CSF2RB: variants seen among roughly 807,000 people sequenced by gnomAD.
CSF2RB encodes the protein cytokine receptor common subunit beta.
A neutral mutation model predicts 67.2 loss-of-function variants in CSF2RB; 22 were observed. The observed-to-expected ratio is 0.33, with a 90% CI of 0.23 to 0.47. The LOEUF is 0.47. Among genes scored for constraint, CSF2RB ranks in the 20% least tolerant of loss-of-function variants. The pLI, the probability that CSF2RB is intolerant of heterozygous loss-of-function variation, is 1.00. For missense variants in CSF2RB, 1,113 were observed against 1,174.5 expected (o/e 0.95, Z 0.76); for synonymous variants, 507 against 482.9 (o/e 1.05, Z -0.65).
chr22:36,923,719 C>T (rs758339043), intron 3 of CSF2RB: 8 of 1,312,662 alleles, frequency 6.1e-6, no homozygotes, highest in Non-Finnish European at 6.0e-6. Flanking sequence ...GGCCAGGCCA[C>T]GAAGCCCCAG....
At chr22:36,927,895 C>T (rs1398885648) in intron 4 of CSF2RB, among the ~76,000 whole-genome samples, 1 of 152,192 alleles carries the variant, frequency 6.6e-6, no homozygotes. Flanking sequence ...TTCAGATATA[C>T]ACACAATTCA....
In CSF2RB at chr22:36,939,126, G is replaced by C; in HGVS notation, c.*624G>C. ...CACTCCGAGAAATGGGCATGGTATT[G>C]GGGGTCGGGGGGGCGGTGCAAGGGA... On this transcript the variant is annotated 3_prime_UTR_variant, in exon 14 of 14. Coordinates refer to ENST00000403662, the MANE Select transcript of CSF2RB (RefSeq NM_000395.3). 2.8e-6 allele frequency: 2 copies of C among 702,270 alleles called. No individual in the cohort carries two copies. The highest frequency in any genetic ancestry group is 5.2e-6 in the Non-Finnish European group (2 of 384,806). The allele number at this position is 702,270 out of a possible 1,614,324, so 43.5% of individuals were successfully genotyped here. A position where few individuals can be genotyped will look rare whatever the true frequency, so the allele number is the denominator to read the frequency against.
Position 36,923,257 on chromosome 22 carries a change from G to A in CSF2RB, c.90G>A (p.Leu30=). The A allele has an allele frequency of 1.9e-6, 3 of 1,614,188 alleles. No individual in the cohort carries two copies. The highest frequency in any genetic ancestry group is 2.5e-6 in the Non-Finnish European group (3 of 1,180,028). The stretch of plus-strand genomic sequence containing the variant: ...CCCTCTTGTCAGAAACCATCCCGCT[G>A]CAGACCCTGCGCTGCTACAACGACT... ...SLAGAEETIP[L]QTLRCYNDYT... Residue 30 remains leucine (L), a synonymous_variant, in exon 3 of 14, where the codon CTG becomes CTA. Transcript: ENST00000403662.
chr22:36,922,690 T>C, intron 2 of CSF2RB: 1 of 338,130 alleles, frequency 3.0e-6, no homozygotes, highest in Non-Finnish European at 5.7e-6. Context: ...GCACCCTCCT[T>C]GTGCCTGAAG....
intron 4 of CSF2RB, among the ~76,000 whole-genome samples, chr22:36,928,422 G>A (rs1407530727): frequency 3.3e-5 from 5 of 152,184 alleles, no homozygotes; most frequent in Non-Finnish European, 5.9e-5. Flanking sequence ...CTGGCTGTGG[G>A]TGAGGAGGGG....
Position 36,938,136 on chromosome 22 carries a change from C to G in CSF2RB, c.2328C>G (p.Ser776=). 1.2e-6 allele frequency: 2 copies of G among 1,614,092 alleles called. No individual in the cohort carries two copies. Among genetic ancestry groups the G allele is most frequent in the Non-Finnish European group, 1.7e-6 (2 of 1,179,984 alleles). ...AGCTCCCTCCAATTGAGGGCCGGTC[C>G]CCCAGGTCACCAAGGAACAATCCTG... ...YVELPPIEGR[S]PRSPRNNPVP... Residue 776 remains serine (S), a synonymous_variant, in exon 14 of 14, where the codon TCC becomes TCG. Coordinates refer to ENST00000403662, the MANE Select transcript of CSF2RB (RefSeq NM_000395.3).
rs16845 is a variant in CSF2RB at position 36,930,401 on chromosome 22, G to C, written c.745G>C (p.Glu249Gln). Reference protein sequence around the residue: ...PGDEAQPQNLECFFDGAAVLS... With the variant: ...PGDEAQPQNLQCFFDGAAVLS... ...GGATGAGGCCCAGCCCCAGAACCTGGAGTGCTTCTTTGACGGGGCCGCCGT... is the reference window on the plus strand; with the variant it reads ...GGATGAGGCCCAGCCCCAGAACCTGCAGTGCTTCTTTGACGGGGCCGCCGT... The change falls in exon 7 of 14, where the codon GAG becomes CAG. Residue 249 changes from glutamate (E) to glutamine (Q), a missense_variant. Glu to Gln is a conservative substitution (Grantham distance 29). This residue lies in a region of CSF2RB where 559 missense variants were observed against 656.5 expected (regional missense o/e 0.85). Transcript: ENST00000403662. 107,425 of 1,613,500 alleles carry C rather than the reference G, an allele frequency of 0.067. 5,117 individuals carry two copies. Among genetic ancestry groups the C allele is most frequent in the African/African-American group, 0.22 (16,502 of 74,956 alleles).
At chr22:36,917,063 C>A (rs1940736029) in intron 1 of CSF2RB, among the ~76,000 whole-genome samples, 1 of 152,180 alleles carries the variant, frequency 6.6e-6, no homozygotes, top group Non-Finnish European at 1.5e-5. Flanking sequence ...TTCTGGCAGA[C>A]TTTCAGTGAT....
At position 36,938,380 on chromosome 22, in the gene CSF2RB, AAG is replaced by A. The variant is rs1391457263; in HGVS notation, c.2574_2575del (p.Lys859AlafsTer77). 6.2e-7 allele frequency: 1 copy of A among 1,614,108 alleles called. No individual in the cohort carries two copies. Reference sequence around the variant, plus strand: ...GAACCTAGACCAGGCTTTTCAAGTCAAGAAGCCCCCAGGCCAGGCTGTGCCCC... The same window carrying A: ...GAACCTAGACCAGGCTTTTCAAGTCAAAGCCCCCAGGCCAGGCTGTGCCCC... ...IKNLDQAFQV[K>X]KPPGQAVPQV... On this transcript the variant is annotated frameshift_variant, in exon 14 of 14. Transcript: ENST00000403662. LOFTEE classifies it low-confidence loss of function (END_TRUNC).
intron 1 of CSF2RB, among the ~76,000 whole-genome samples, chr22:36,914,764 A>G (rs991606079): frequency 6.6e-6 from 1 of 152,128 alleles, no homozygotes; most frequent in African/African-American, 2.4e-5. Context: ...ATGAGTAAAC[A>G]TTTCCTATTA....
Position 36,934,036 on chromosome 22 carries a change from C to T in CSF2RB, c.1315+42C>T, listed in dbSNP as rs369566947. 36 of 1,606,694 alleles carry T rather than the reference C, an allele frequency of 2.2e-5. No homozygotes were observed. The African/African-American group carries it at 3.6e-4, about 16-fold the overall frequency. ...GTCCAGAGCTTCTGGCCAGGACCAG[C>T]TCATAGTTTCTCACTGCCAGAAAAT... On this transcript the variant is annotated intron_variant, in intron 10 of 13. Transcript: ENST00000403662.
chr22:36,937,977 A>C lies in CSF2RB; in HGVS notation c.2169A>C (p.Ser723=). The C allele has an allele frequency of 6.2e-7, 1 of 1,614,060 alleles. No individual in the cohort carries two copies. Among genetic ancestry groups the C allele is most frequent in the Non-Finnish European group, 8.5e-7 (1 of 1,179,988 alleles). The change falls in exon 14 of 14, where the codon TCA becomes TCC. Residue 723 remains serine (S), a synonymous_variant. Transcript: ENST00000403662. This position sits in a 1 kb window ranked among gnomAD's most constrained non-coding sequence, Gnocchi z 4.6. ...SSADLVFTPN[S]GASSVSLVPS... ...CAGACCTGGTATTCACCCCAAACTC[A>C]GGGGCCTCGTCTGTCTCCCTAGTTC...
At chr22:36,917,441 A>G (rs1008506306) in intron 1 of CSF2RB, among the ~76,000 whole-genome samples, 11 of 151,992 alleles carry the variant, frequency 7.2e-5, no homozygotes, top group Non-Finnish European at 1.5e-4. Context: ...TTTCTTCATG[A>G]GCTTGGGAAT....
chr22:36,926,249 G>A, intron 4 of CSF2RB, 72 bp downstream of exon 4: 2 of 1,494,002 alleles, frequency 1.3e-6, no homozygotes, highest in Non-Finnish European at 9.3e-7. Flanking sequence ...GGTGGTCCAG[G>A]GAGTCTTCAA....
Position 36,937,875 on chromosome 22 carries a change from G to T in CSF2RB, c.2067G>T (p.Lys689Asn). 1.2e-6 allele frequency: 2 copies of T among 1,614,126 alleles called. No individual in the cohort carries two copies. Among genetic ancestry groups the T allele is most frequent in the Non-Finnish European group, 1.7e-6 (2 of 1,179,984 alleles). ...LGPRVGGQDQKDSPVAIPMSS... is the reference protein window; with the variant it reads ...LGPRVGGQDQNDSPVAIPMSS... ...CAAGGGTGGGAGGACAGGACCAAAA[G>T]GACAGCCCTGTGGCTATACCCATGA... The change falls in exon 14 of 14, where the codon AAG (lysine) becomes AAT (asparagine). Residue 689 changes from lysine (K) to asparagine (N), a missense_variant. Lys to Asn is a moderately conservative substitution (Grantham distance 94). Transcript: ENST00000403662. The surrounding 1 kb of genome is among the most constrained non-coding windows in gnomAD (Gnocchi z 4.6).
chr22:36,932,826 G>A lies in CSF2RB; in HGVS notation c.1074G>A (p.Trp358Ter). 2 of 1,614,136 alleles carry A rather than the reference G, an allele frequency of 1.2e-6. No individual in the cohort carries two copies. The highest frequency in any genetic ancestry group is 1.7e-6 in the Non-Finnish European group (2 of 1,180,020). ...TKDGDSYSLRWETMKMRYEHI... is the reference protein window; with the variant it reads ...TKDGDSYSLR ...ATGGAGACAGCTACAGCCTGCGCTG[G>A]GAAACAATGAAAATGCGATACGAAC... is the stretch of plus-strand genomic sequence containing the variant. The change falls in exon 9 of 14, where the codon TGG becomes TGA. Residue 358 changes from tryptophan (W) to a stop codon, truncating the protein, a stop_gained. Transcript: ENST00000403662. LOFTEE classifies it high-confidence loss of function.
chr22:36,938,682 C>T lies in CSF2RB; in HGVS notation c.*180C>T, dbSNP rs997277797. The T allele has an allele frequency of 3.4e-5, 21 of 626,164 alleles. No homozygotes were observed. Among genetic ancestry groups the T allele is most frequent in the African/African-American group, 1.8e-4 (10 of 54,308 alleles). 38.8% of individuals were successfully genotyped at this position (626,164 alleles called of 1,614,324 possible). ...CTTCAGCAAATCACTTCTCTCCCTGCGCTCACACAGACACACACACACACA... is the reference window on the plus strand; with the variant it reads ...CTTCAGCAAATCACTTCTCTCCCTGTGCTCACACAGACACACACACACACA... On this transcript the variant is annotated 3_prime_UTR_variant, in exon 14 of 14. Coordinates refer to ENST00000403662, the MANE Select transcript of CSF2RB (RefSeq NM_000395.3).
Position 36,935,447 on chromosome 22 carries a change from G to A in CSF2RB, c.1406+6G>A. On this transcript the variant is annotated splice_donor_region_variant and intron_variant, in intron 11 of 13. Coordinates refer to ENST00000403662, the MANE Select transcript of CSF2RB (RefSeq NM_000395.3). ...TGTGGCATCTACGGGTACAGGTGAGGGGACTCTGTGGGGCTGGAGGTGGCA... is the reference window on the plus strand; with the variant it reads ...TGTGGCATCTACGGGTACAGGTGAGAGGACTCTGTGGGGCTGGAGGTGGCA... 1.2e-6 allele frequency: 2 copies of A among 1,614,060 alleles called. No individual in the cohort carries two copies. The highest frequency in any genetic ancestry group is 1.7e-6 in the Non-Finnish European group (2 of 1,179,930).
rs140529 is a variant in CSF2RB at position 36,937,016 on chromosome 22, G to T, written c.1569-361G>T. ...GACCACCAACTCGGCAGGGAGAAGGGGGTGGCATGGTTGATAGAATGATGG... is the reference window on the plus strand; with the variant it reads ...GACCACCAACTCGGCAGGGAGAAGGTGGTGGCATGGTTGATAGAATGATGG... On this transcript the variant is annotated intron_variant, in intron 13 of 13. Transcript: ENST00000403662. The surrounding 1 kb of genome is among the most constrained non-coding windows in gnomAD (Gnocchi z 4.6). Among the ~76,000 whole-genome samples the T allele has an allele frequency of 0.092, 14,013 of 152,120 alleles. 666 individuals carry two copies. Among genetic ancestry groups the T allele is most frequent in the South Asian group, 0.14 (653 of 4,818 alleles).
Sources: allele counts gnomAD v4.1 joint callset (sites outside exome capture counted in the v4.1 genomes callset), GRCh38; gene constraint gnomAD v4.1.1; regional missense constraint gnomAD v4.1.1; non-coding constraint Gnocchi (gnomAD v3.1); transcripts MANE v1.5; gene names NCBI Gene and HGNC (gene_info 2026-07-23, HGNC 2026-07-21).